The following GET3 variants were observed in gnomAD, a reference collection of about 807,000 sequenced individuals.
GET3 encodes guided entry of tail-anchored proteins factor 3, ATPase, also known as ATPase GET3.
Under a neutral mutation model 32.4 loss-of-function variants are expected in GET3, and 15 were observed. The observed-to-expected ratio is 0.46, with a 90% CI of 0.31 to 0.71. The LOEUF is 0.71. Ranked by LOEUF, GET3 falls within the 30% of genes least tolerant of loss-of-function variation. GET3 has a pLI of 0.05. For missense variants in GET3, 333 were observed against 459.0 expected, an observed-to-expected ratio of 0.73 and a Z score of 2.51; for synonymous variants, 198 against 185.6, an observed-to-expected ratio of 1.07 and a Z score of -0.54.
At chr19:12,737,243 G>A (rs902149401), upstream of GET3, 4 of 359,390 alleles carry the variant, frequency 1.1e-5, no homozygotes, top group Non-Finnish European at 2.0e-5. Context: ...AAGACCTAGG[G>A]CCCAATCAGT....
rs1781624556 is a variant in GET3 at position 12,748,055 on chromosome 19, C to T, written c.998C>T (p.Thr333Ile). ...GTGCGGGGGGCAGACAAGGTCAACA[C>T]CTTCTCGGCCCTCCTCCTGGAGCCC... ...HEVRGADKVN[T>I]FSALLLEPYK... Residue 333 changes from threonine (T) to isoleucine (I), a missense_variant, in exon 7 of 7, where the codon ACC (threonine) becomes ATC (isoleucine). Around this residue, in one of 3 missense-constraint regions of GET3, gnomAD observed 39 missense variants for 33.0 expected, o/e 1.18. Coordinates refer to ENST00000357332, the MANE Select transcript of GET3 (RefSeq NM_004317.4). 3.1e-6 allele frequency: 5 copies of T among 1,611,784 alleles called. No individual in the cohort carries two copies. The highest frequency in any genetic ancestry group is 4.2e-6 in the Non-Finnish European group (5 of 1,178,356).
chr19:12,743,709 C>T (rs559732248), intron 2 of GET3, among the ~76,000 whole-genome samples: 2,258 of 135,124 alleles, frequency 0.017, 19 homozygotes, highest in Non-Finnish European at 0.026. Context: ...GGTGACAGAG[C>T]GAGACTCCAT....
chr19:12,737,110 T>TA (rs1967582388), upstream of GET3: 1 of 160,156 alleles, frequency 6.2e-6, no homozygotes, highest in South Asian at 1.6e-4. Flanking sequence ...ACCGGGAATC[T>TA]AACTTCACCG....
upstream of GET3, chr19:12,737,342 C>G (rs771845351): frequency 2.2e-5 from 23 of 1,052,426 alleles, no homozygotes; most frequent in Non-Finnish European, 3.0e-5. Flanking sequence ...CAAAGTGAAC[C>G]CTGGAAGCAA....
chr19:12,737,914 G>A (rs1967603527), intron 1 of GET3, among the ~76,000 whole-genome samples: 1 of 152,172 alleles, frequency 6.6e-6, no homozygotes, highest in Non-Finnish European at 1.5e-5. Context: ...CGGGGGACGG[G>A]GAAGCACTTA....
chr19:12,743,870 C>G (rs1300517548), intron 2 of GET3, among the ~76,000 whole-genome samples: 28 of 142,114 alleles, frequency 2.0e-4, no homozygotes, highest in Admixed American at 5.5e-4. Context: ...GCTGGGACTA[C>G]AGGCACCCGC....
chr19:12,744,838 C>CA (rs745908245), intron 2 of GET3, among the ~76,000 whole-genome samples: 6 of 151,978 alleles, frequency 3.9e-5, no homozygotes, highest in Non-Finnish European at 8.8e-5. Context: ...GGCTGGTGTC[C>CA]AACTCCTGGG....
chr19:12,739,048 TGTCA>T (rs8177471), intron 2 of GET3, among the ~76,000 whole-genome samples: 4,438 of 152,232 alleles, frequency 0.029, 207 homozygotes, highest in African/African-American at 0.1. Context: ...GAGATTTAAT[TGTCA>T]GTCAGGGTAG....
chr19:12,747,060 A>C lies in GET3; in HGVS notation c.610-137A>C, dbSNP rs879734805. ...AAATGGAAAAGCTAGTATTTGACCA[A>C]CCCCAGGAATCTGCTTATGGGCCTG... On this transcript the variant is annotated intron_variant, in intron 4 of 6. Transcript: ENST00000357332. The surrounding 1 kb of genome is among the most constrained non-coding windows in gnomAD (Gnocchi z 4.0). 52 of 566,148 alleles carry C rather than the reference A, an allele frequency of 9.2e-5. No individual in the cohort carries two copies. The highest frequency in any genetic ancestry group is 1.5e-4 in the Non-Finnish European group (49 of 329,998). 35.1% of individuals were successfully genotyped at this position (566,148 alleles called of 1,614,324 possible). A position where few individuals can be genotyped will look rare whatever the true frequency, so the allele number is the denominator to read the frequency against.
intron 2 of GET3, among the ~76,000 whole-genome samples, chr19:12,743,833 C>A (rs1357118634): frequency 1.5e-5 from 2 of 135,100 alleles, no homozygotes; most frequent in Non-Finnish European, 3.2e-5. Flanking sequence ...GGGTTCATGC[C>A]ATTCTCCTGC....
chr19:12,746,517 C>T (rs555297104), intron 4 of GET3, among the ~76,000 whole-genome samples: 12 of 152,326 alleles, frequency 7.9e-5, no homozygotes, highest in African/African-American at 2.4e-4. Flanking sequence ...TGTATGTGCA[C>T]GTGTGGGTGT....
chr19:12,747,335 C>G lies in GET3; in HGVS notation c.717+31C>G, dbSNP rs764566901. 2 of 1,610,020 alleles carry G rather than the reference C, an allele frequency of 1.2e-6. No homozygotes were observed. Among genetic ancestry groups the G allele is most frequent in the South Asian group, 1.1e-5 (1 of 90,882 alleles). On this transcript the variant is annotated intron_variant, in intron 5 of 6. Transcript: ENST00000357332. The surrounding 1 kb of genome is among the most constrained non-coding windows in gnomAD (Gnocchi z 4.0). Reference sequence around the variant, plus strand: ...TGGTGGTCTGGCTGGCGGTGAGAGGCCCGGGGGCTGAGGACAGGGGCAGAC... The same window carrying G: ...TGGTGGTCTGGCTGGCGGTGAGAGGGCCGGGGGCTGAGGACAGGGGCAGAC...
chr19:12,738,669 C>T lies in GET3; in HGVS notation c.309+11C>T. 6.2e-7 allele frequency: 1 copy of T among 1,614,096 alleles called. No individual in the cohort carries two copies. Among genetic ancestry groups the T allele is most frequent in the Non-Finnish European group, 8.5e-7 (1 of 1,180,006 alleles). On this transcript the variant is annotated intron_variant, in intron 2 of 6. Coordinates refer to ENST00000357332, the MANE Select transcript of GET3 (RefSeq NM_004317.4). ...AACCTCTTTGCTATGGTGAGTGGAACAGGGCTTAGCCCCCACTTCTGGGAA... is the reference window on the plus strand; with the variant it reads ...AACCTCTTTGCTATGGTGAGTGGAATAGGGCTTAGCCCCCACTTCTGGGAA...
chr19:12,741,882 G>A (rs1967675945), intron 2 of GET3, among the ~76,000 whole-genome samples: 1 of 152,200 alleles, frequency 6.6e-6, no homozygotes, highest in Non-Finnish European at 1.5e-5. Flanking sequence ...TTGTGCCACT[G>A]TACTCCAACC....
chr19:12,742,854 T>A (rs1465509640), intron 2 of GET3, among the ~76,000 whole-genome samples: 1 of 151,882 alleles, frequency 6.6e-6, no homozygotes, highest in Non-Finnish European at 1.5e-5. Flanking sequence ...GCCAAGACGC[T>A]ATCTCTAAAA....
At position 12,747,313 on chromosome 19, in the gene GET3, T is replaced by C. The variant is rs772811137; in HGVS notation, c.717+9T>C. 3 of 1,609,100 alleles carry C rather than the reference T, an allele frequency of 1.9e-6. No homozygotes were observed. In the South Asian group the frequency reaches 3.3e-5, roughly 18 times the overall value. ...AACAGTTCAAGGACCCTGTGAGTGG[T>C]GGTCTGGCTGGCGGTGAGAGGCCCG... On this transcript the variant is annotated intron_variant, in intron 5 of 6. Transcript: ENST00000357332. This position sits in a 1 kb window ranked among gnomAD's most constrained non-coding sequence, Gnocchi z 4.0.
rs1339890538 is a variant in GET3, at chr19:12,745,964, T to C, written c.609+205T>C. 6.6e-6 allele frequency among the ~76,000 whole-genome samples: 1 copy of C among 152,090 alleles called. No individual in the cohort carries two copies. Among genetic ancestry groups the C allele is most frequent in the Non-Finnish European group, 1.5e-5 (1 of 68,008 alleles). ...AGTGTCCCTGCCCCTGCCCGCTAAA[T>C]ACCCTAGACAGAGCCAGAAAGCACA... On this transcript the variant is annotated intron_variant, in intron 4 of 6. Transcript: ENST00000357332. The surrounding 1 kb of genome is among the most constrained non-coding windows in gnomAD (Gnocchi z 5.0).
chr19:12,741,141 G>A lies in GET3; in HGVS notation c.309+2483G>A, dbSNP rs184860688. Among the ~76,000 whole-genome samples, 1,173 of 151,918 alleles carry A rather than the reference G, an allele frequency of 7.7e-3. 47 individuals carry two copies. The highest frequency in any genetic ancestry group is 0.064 in the Admixed American group (975 of 15,240). On this transcript the variant is annotated intron_variant, in intron 2 of 6. Transcript: ENST00000357332. ...GTTAAAGACCAGCCTAGCCAAGATG[G>A]TGGAACTCCATCTCTACTAAAAATA...
At chr19:12,737,110 T>G (rs562768136), upstream of GET3, 4 of 160,274 alleles carry the variant, frequency 2.5e-5, no homozygotes, top group African/African-American at 9.6e-5. Flanking sequence ...ACCGGGAATC[T>G]AACTTCACCG....
Sources: allele counts gnomAD v4.1 joint callset (sites outside exome capture counted in the v4.1 genomes callset), GRCh38; gene constraint gnomAD v4.1.1; regional missense constraint gnomAD v4.1.1; non-coding constraint Gnocchi (gnomAD v3.1); transcripts MANE v1.5; gene names NCBI Gene and HGNC (gene_info 2026-07-23, HGNC 2026-07-21).